The following CLIC5 variants were observed in gnomAD, a reference collection of about 807,000 sequenced individuals.
The protein encoded by CLIC5 is chloride intracellular channel protein 5.
In CLIC5, 20 loss-of-function variants were observed where a neutral mutation model predicts 24.7. That is an observed-to-expected ratio of 0.81 (90% CI 0.57 to 1.18). The LOEUF is 1.18. Among genes scored for constraint, CLIC5 ranks in the 50% most tolerant of loss-of-function variants. CLIC5 has a pLI of 0.00. For missense variants in CLIC5, 341 were observed against 326.1 expected, an observed-to-expected ratio of 1.05 and a Z score of -0.35; for synonymous variants, 159 against 135.6, an observed-to-expected ratio of 1.17 and a Z score of -1.20.
chr6:46,108,036 A>G, the CLIC5 span, among the ~76,000 whole-genome samples: 27 of 149,644 alleles, frequency 1.8e-4, no homozygotes, highest in South Asian at 5.5e-3. Context: ...CTCCATCAAA[A>G]AAAAAAAAAA....
At chr6:45,960,042 T>C (rs1014510315) in intron 1 of CLIC5, among the ~76,000 whole-genome samples, 1 of 152,208 alleles carries the variant, frequency 6.6e-6, no homozygotes, top group Admixed American at 6.5e-5. Flanking sequence ...AAGCATACCA[T>C]ATTGATATAA....
intron 5 of CLIC5, among the ~76,000 whole-genome samples, chr6:45,913,118 G>C (rs535125475): frequency 6.6e-6 from 1 of 152,332 alleles, no homozygotes; most frequent in South Asian, 2.1e-4. Flanking sequence ...ATATCGTAAA[G>C]ACTTACACCA....
chr6:46,080,439 C>G, upstream of CLIC5: 1 of 578,422 alleles, frequency 1.7e-6, no homozygotes, highest in Non-Finnish European at 3.1e-6. Context: ...GTCCATTGGA[C>G]AGAAGATAAA....
chr6:46,056,953 G>A (rs945495226), intron 1 of CLIC5, among the ~76,000 whole-genome samples: 1 of 152,142 alleles, frequency 6.6e-6, no homozygotes, highest in African/African-American at 2.4e-5. Flanking sequence ...CCTAATTTCT[G>A]CTGTCACAAT....
At chr6:46,034,249 G>A (rs1260728982) in intron 1 of CLIC5, among the ~76,000 whole-genome samples, 1 of 152,166 alleles carries the variant, frequency 6.6e-6, no homozygotes, top group Non-Finnish European at 1.5e-5. Context: ...TCTGGCATGT[G>A]GCCTGGACAC....
chr6:45,948,339 T>G (rs1261241641), intron 3 of CLIC5, among the ~76,000 whole-genome samples: 1 of 152,196 alleles, frequency 6.6e-6, no homozygotes, highest in African/African-American at 2.4e-5. Context: ...TCGTCCTGCC[T>G]GGACAGTCAC....
At chr6:45,923,808 A>G (rs1763367191) in intron 4 of CLIC5, among the ~76,000 whole-genome samples, 1 of 152,266 alleles carries the variant, frequency 6.6e-6, no homozygotes, top group Non-Finnish European at 1.5e-5. Flanking sequence ...GGATTATATT[A>G]AATGTTAATA....
intron 1 of CLIC5, among the ~76,000 whole-genome samples, chr6:46,007,117 G>T (rs1457674791): frequency 6.6e-6 from 1 of 152,166 alleles, no homozygotes; most frequent in Non-Finnish European, 1.5e-5. Context: ...CCTCAGCTCT[G>T]ATCCTTCAGC....
chr6:46,118,414 T>C, the CLIC5 span, among the ~76,000 whole-genome samples: 1 of 152,164 alleles, frequency 6.6e-6, no homozygotes, highest in East Asian at 1.9e-4. Flanking sequence ...CAGACCAAGA[T>C]ATTTTGAAGG....
At chr6:46,117,637 C>A in the CLIC5 span, among the ~76,000 whole-genome samples, 1 of 152,048 alleles carries the variant, frequency 6.6e-6, no homozygotes, top group African/African-American at 2.4e-5. Context: ...TTTGTAGTAC[C>A]ATAGTTTGAG....
At chr6:45,907,527 G>T (rs1397841370) in intron 5 of CLIC5, among the ~76,000 whole-genome samples, 2 of 152,052 alleles carry the variant, frequency 1.3e-5, no homozygotes, top group Non-Finnish European at 2.9e-5. Context: ...GTATCAGGGT[G>T]GTGCTAGCTT....
At chr6:45,881,152 T>G in exon 7 of CLIC5, 1 of 398,328 alleles carries the variant, frequency 2.5e-6, no homozygotes, top group Non-Finnish European at 4.4e-6. Flanking sequence ...TGCTTCTTCC[T>G]CTACTCCATG....
rs146100826 is a variant in CLIC5, at chr6:45,918,252, G to A, written c.407-3843C>T. On this transcript the variant is annotated intron_variant, in intron 4 of 5. Coordinates refer to ENST00000339561, the MANE Select transcript of CLIC5 (RefSeq NM_016929.5). The stretch of plus-strand genomic sequence containing the variant: ...CATGATCACTTCCAGATTCATTGAG[G>A]TTGATATTACATAAGACCCAATATT... Among the ~76,000 whole-genome samples, 373 of 152,290 alleles carry A rather than the reference G, an allele frequency of 2.4e-3. 3 individuals are homozygous for A. Among genetic ancestry groups the A allele is most frequent in the Non-Finnish European group, 4.5e-3 (306 of 68,028 alleles).
intron 5 of CLIC5, among the ~76,000 whole-genome samples, chr6:45,909,070 T>G (rs1235473012): frequency 6.6e-6 from 1 of 151,948 alleles, no homozygotes; most frequent in African/African-American, 2.4e-5. Flanking sequence ...TGTTGGTTTG[T>G]GGTATGTTTT....
intron 4 of CLIC5, among the ~76,000 whole-genome samples, chr6:45,928,767 A>AGTGTGT (rs5875948): frequency 0.021 from 2,996 of 144,154 alleles, 47 homozygotes; most frequent in African/African-American, 0.043. Context: ...GAAGTGCATA[A>AGTGTGT]GTGTGTGTGT....
At chr6:45,992,832 T>A (rs893865506) in intron 1 of CLIC5, among the ~76,000 whole-genome samples, 2 of 152,178 alleles carry the variant, frequency 1.3e-5, no homozygotes, top group African/African-American at 4.8e-5. Flanking sequence ...AAGAGTGTAA[T>A]TTTGTACCCC....
intron 4 of CLIC5, among the ~76,000 whole-genome samples, chr6:45,935,215 T>C (rs1763886207): frequency 6.6e-6 from 1 of 152,066 alleles, no homozygotes; most frequent in Non-Finnish European, 1.5e-5. Context: ...GTGGGGGACA[T>C]GTTAAAGTAG....
chr6:45,952,375 T>A (rs1423931353), intron 2 of CLIC5, among the ~76,000 whole-genome samples: 1 of 152,220 alleles, frequency 6.6e-6, no homozygotes, highest in Non-Finnish European at 1.5e-5. Flanking sequence ...GATTGCCAGC[T>A]CCATGAACCC....
At chr6:45,978,317 A>G (rs1455092388) in intron 1 of CLIC5, among the ~76,000 whole-genome samples, 1 of 152,160 alleles carries the variant, frequency 6.6e-6, no homozygotes, top group Non-Finnish European at 1.5e-5. Flanking sequence ...ATTGTGTGAT[A>G]AAATACTCTT....
Sources: allele counts gnomAD v4.1 joint callset (sites outside exome capture counted in the v4.1 genomes callset), GRCh38; gene constraint gnomAD v4.1.1; transcripts MANE v1.5; gene names NCBI Gene and HGNC (gene_info 2026-07-23, HGNC 2026-07-21).